The following AKT3 variants were observed in gnomAD, a reference collection of about 807,000 sequenced individuals.
The protein encoded by AKT3 is AKT serine/threonine kinase 3.
In AKT3, 15 loss-of-function variants were observed where a neutral mutation model predicts 65.3. That is an observed-to-expected ratio of 0.23 (90% CI 0.15 to 0.35). The LOEUF is 0.35. Among genes scored for constraint, AKT3 ranks in the 10% least tolerant of loss-of-function variants. AKT3 has a pLI of 1.00. For synonymous variants in AKT3, 206 were observed against 183.8 expected, an observed-to-expected ratio of 1.12 and a Z score of -0.98; for missense variants, 243 against 576.5, an observed-to-expected ratio of 0.42 and a Z score of 5.92.
chr1:243,561,762 C>T (rs140763481), intron 10 of AKT3, among the ~76,000 whole-genome samples: 159 of 152,258 alleles, frequency 1.0e-3, no homozygotes, highest in African/African-American at 3.6e-3. Flanking sequence ...AAAGCTCTTC[C>T]CTTTTACCTT....
chr1:243,700,506 A>ATTTTTTTTTTTTTTTTTTTT (rs67611152), intron 2 of AKT3, among the ~76,000 whole-genome samples: 2 of 139,940 alleles, frequency 1.4e-5, no homozygotes, highest in African/African-American at 5.3e-5. Context: ...GGCTTAGTCT[A>ATTTTTTTTTTTTTTTTTTTT]TTTTTTTTTT....
At position 243,505,147 on chromosome 1, in the gene AKT3, G is replaced by A; in HGVS notation, c.*102C>T. The A allele has an allele frequency of 2.8e-6, 3 of 1,088,498 alleles. No homozygotes were observed. In the Admixed American group the frequency reaches 6.0e-5, roughly 22 times the overall value. The allele number at this position is 1,088,498 out of a possible 1,614,324, so 67.4% of individuals were successfully genotyped here. On this transcript the variant is annotated 3_prime_UTR_variant, in exon 14 of 14. Coordinates refer to ENST00000673466, the MANE Select transcript of AKT3 (RefSeq NM_005465.7). ...GACCCTTGGCTGGTCTGGGATGTCG[G>A]AAGGTGCCCCTGCTATGTGTAAGAG...
chr1:243,498,374 G>T (rs1668562622), downstream of AKT3, among the ~76,000 whole-genome samples: 1 of 152,186 alleles, frequency 6.6e-6, no homozygotes, highest in Non-Finnish European at 1.5e-5. Flanking sequence ...GGAGAACAAA[G>T]CATCCCGTGG....
chr1:243,638,562 CT>C (rs1277908279), intron 5 of AKT3, among the ~76,000 whole-genome samples: 1 of 152,038 alleles, frequency 6.6e-6, no homozygotes, highest in East Asian at 1.9e-4. Context: ...TTTTTGTGGA[CT>C]TGCCTCCTTT....
chr1:243,627,754 G>A (rs1233492380), intron 6 of AKT3, among the ~76,000 whole-genome samples: 7 of 152,302 alleles, frequency 4.6e-5, no homozygotes, highest in African/African-American at 1.7e-4. Flanking sequence ...AAATTAAATT[G>A]CTCTTATTAC....
intron 2 of AKT3, among the ~76,000 whole-genome samples, chr1:243,787,335 C>G (rs555733338): frequency 9.2e-5 from 14 of 152,266 alleles, no homozygotes; most frequent in Middle Eastern, 3.4e-3. Context: ...TTAACTAGAT[C>G]TACAAGGCTT....
chr1:243,804,586 C>T (rs1692604030), intron 2 of AKT3, among the ~76,000 whole-genome samples: 1 of 152,142 alleles, frequency 6.6e-6, no homozygotes, highest in Admixed American at 6.5e-5. Context: ...GTGGCTCACG[C>T]CTGTAATCCC....
chr1:243,807,687 G>C (rs547675865), intron 2 of AKT3, among the ~76,000 whole-genome samples: 1 of 152,312 alleles, frequency 6.6e-6, no homozygotes, highest in African/African-American at 2.4e-5. Context: ...AGACAGTAGT[G>C]GTTCTCCCAG....
intron 2 of AKT3, among the ~76,000 whole-genome samples, chr1:243,837,383 G>A (rs914306539): frequency 6.6e-6 from 1 of 152,014 alleles, no homozygotes; most frequent in African/African-American, 2.4e-5. Flanking sequence ...GATACATTTT[G>A]TCAAACACTG....
rs892520808 is a variant in AKT3, at chr1:243,502,090, C to T, written c.*3159G>A. On this transcript the variant is annotated 3_prime_UTR_variant, in exon 14 of 14. Transcript: ENST00000673466. ...AAGCTACAGGGAGGTAATTCAATTA[C>T]CAATTTAGAGGTTTTCTTTTTATTT... is the stretch of plus-strand genomic sequence containing the variant. 2 of 232,216 alleles carry T rather than the reference C, an allele frequency of 8.6e-6. No homozygotes were observed. The highest frequency in any genetic ancestry group is 1.7e-5 in the Non-Finnish European group (2 of 117,560). 14.4% of individuals were successfully genotyped at this position (232,216 alleles called of 1,614,324 possible).
intron 2 of AKT3, among the ~76,000 whole-genome samples, chr1:243,776,549 G>C (rs1403419335): frequency 2.6e-5 from 4 of 152,082 alleles, no homozygotes; most frequent in African/African-American, 7.2e-5. Context: ...CATCATGCTG[G>C]CACCTTATCT....
rs1695701296 is a variant in AKT3 at position 243,850,053 on chromosome 1, G to A, written c.-126C>T. The A allele has an allele frequency of 4.1e-6, 4 of 985,524 alleles. No homozygotes were observed. In the Admixed American group the frequency reaches 1.8e-4, roughly 46 times the overall value. The allele number at this position is 985,524 out of a possible 1,614,324, so 61.0% of individuals were successfully genotyped here. ...GGTGGCTGTTACCTGCAACGGCGGC[G>A]GCGGCGGTGGCGGCCCCGCAGCTGC... On this transcript the variant is annotated 5_prime_UTR_variant, in exon 1 of 14. Coordinates refer to ENST00000673466, the MANE Select transcript of AKT3 (RefSeq NM_005465.7).
intron 2 of AKT3, among the ~76,000 whole-genome samples, chr1:243,758,366 C>G (rs528445385): frequency 6.6e-6 from 1 of 152,290 alleles, no homozygotes; most frequent in East Asian, 1.9e-4. Flanking sequence ...TGTGAGGAAG[C>G]TCGATATAGA....
At chr1:243,552,626 C>T (rs1673160987) in intron 11 of AKT3, 103 bp downstream of exon 11, 1 of 1,062,058 alleles carries the variant, frequency 9.4e-7, no homozygotes. Flanking sequence ...ATGTCTACAC[C>T]AAATACATTG....
chr1:243,514,208 T>G (rs187019482), intron 12 of AKT3, among the ~76,000 whole-genome samples: 4 of 152,108 alleles, frequency 2.6e-5, no homozygotes, highest in Admixed American at 2.6e-4. Context: ...GCACTAGGAG[T>G]AGGTTTGCTC....
At position 243,812,176 on chromosome 1, in the gene AKT3, T is replaced by G. The variant is rs562453371; in HGVS notation, c.46+30949A>C. Among the ~76,000 whole-genome samples the G allele has an allele frequency of 2.6e-5, 4 of 152,116 alleles. No individual in the cohort carries two copies. In the East Asian group the frequency reaches 7.7e-4, roughly 29 times the overall value. On this transcript the variant is annotated intron_variant, in intron 2 of 13. Transcript: ENST00000673466. ...CAAAAGCCAAAATTAACAAATGGGA[T>G]CTAATTAAACTAAAGAGCTTCTGCA...
rs560469528 is a variant in AKT3 at position 243,624,737 on chromosome 1, C to G, written c.562-9576G>C. On this transcript the variant is annotated intron_variant, in intron 6 of 13. Coordinates refer to ENST00000673466, the MANE Select transcript of AKT3 (RefSeq NM_005465.7). Reference sequence around the variant, plus strand: ...ATAACCATTTCACCATACTTAATTTCTCTTATAAAATATGTTTCTTTGTCA... The same window carrying G: ...ATAACCATTTCACCATACTTAATTTGTCTTATAAAATATGTTTCTTTGTCA... 3.6e-3 allele frequency: 722 copies of G among 199,186 alleles called. 2 individuals are homozygous for G. Among genetic ancestry groups the G allele is most frequent in the Non-Finnish European group, 5.8e-3 (533 of 91,996 alleles). The allele number at this position is 199,186 out of a possible 1,614,324, so 12.3% of individuals were successfully genotyped here.
chr1:243,765,765 G>T (rs1188471132), intron 2 of AKT3, among the ~76,000 whole-genome samples: 3 of 152,076 alleles, frequency 2.0e-5, no homozygotes, highest in African/African-American at 7.2e-5. Context: ...TAAGAAATTA[G>T]ATTTAAGTTA....
At chr1:243,678,114 G>C (rs1465313452) in intron 3 of AKT3, among the ~76,000 whole-genome samples, 2 of 151,938 alleles carry the variant, frequency 1.3e-5, no homozygotes, top group Middle Eastern at 6.8e-3. Context: ...GTCAAATATA[G>C]AGATAGCCTA....
Sources: allele counts gnomAD v4.1 joint callset (sites outside exome capture counted in the v4.1 genomes callset), GRCh38; gene constraint gnomAD v4.1.1; transcripts MANE v1.5; gene names NCBI Gene and HGNC (gene_info 2026-07-23, HGNC 2026-07-21).